NRXN3: variants seen among roughly 807,000 people sequenced by gnomAD.
The protein encoded by NRXN3 is neurexin 3, also known as neurexin III.
A neutral mutation model predicts 137.6 loss-of-function variants in NRXN3; 32 were observed. The observed-to-expected ratio is 0.23, with a 90% CI of 0.18 to 0.31. The LOEUF is 0.31. Ranked by LOEUF, NRXN3 falls within the 10% of genes least tolerant of loss-of-function variation. The probability of loss-of-function intolerance (pLI) is 1.00; values close to 1 mark genes in which losing one functional copy is unlikely to be tolerated. For missense variants in NRXN3, 1,574 were observed against 2,062.5 expected, an observed-to-expected ratio of 0.76 and a Z score of 4.59; for synonymous variants, 798 against 784.5, an observed-to-expected ratio of 1.02 and a Z score of -0.29.
rs527471063 is a variant in NRXN3, at chr14:78,839,387, A to G, written c.2275+29043A>G. On this transcript the variant is annotated intron_variant, in intron 10 of 20. Transcript: ENST00000335750. ...ATAATGGAGGACACAGTCAGTCGTGATAAGGATTTTGCTTTTTTATCTTAA... is the reference window on the plus strand; with the variant it reads ...ATAATGGAGGACACAGTCAGTCGTGGTAAGGATTTTGCTTTTTTATCTTAA... Among the ~76,000 whole-genome samples the G allele has an allele frequency of 2.0e-4, 30 of 152,322 alleles. 1 individual carries two copies. The highest frequency in any genetic ancestry group is 1.8e-3 in the Admixed American group (27 of 15,300).
At chr14:78,762,603 T>C (rs58784665) in intron 8 of NRXN3, among the ~76,000 whole-genome samples, 154 of 152,308 alleles carry the variant, frequency 1.0e-3, no homozygotes, top group African/African-American at 3.3e-3. Context: ...GTCTCCATCA[T>C]GAATACATAC....
chr14:78,923,934 A>AT (rs1217436935), intron 10 of NRXN3, among the ~76,000 whole-genome samples: 1 of 152,160 alleles, frequency 6.6e-6, no homozygotes, highest in Non-Finnish European at 1.5e-5. Flanking sequence ...ATTCTAAGGT[A>AT]TTTTTTGAGA....
At chr14:79,337,455 G>A (rs185330905) in intron 15 of NRXN3, among the ~76,000 whole-genome samples, 2 of 152,272 alleles carry the variant, frequency 1.3e-5, no homozygotes, top group East Asian at 3.9e-4. Flanking sequence ...TATATCTAAT[G>A]ATGACTTCAG....
At chr14:79,042,498 A>G (rs912397918) in intron 15 of NRXN3, among the ~76,000 whole-genome samples, 3 of 152,126 alleles carry the variant, frequency 2.0e-5, no homozygotes, top group East Asian at 3.9e-4. Context: ...TTTGAATTCC[A>G]TTTTGTCTGA....
intron 10 of NRXN3, among the ~76,000 whole-genome samples, chr14:78,925,098 G>A (rs2099282879): frequency 1.3e-5 from 2 of 152,172 alleles, no homozygotes; most frequent in East Asian, 1.9e-4. Flanking sequence ...TGACTCATTT[G>A]AGCGTTCTGA....
chr14:78,967,579 T>A (rs1035833355), intron 13 of NRXN3, among the ~76,000 whole-genome samples, 181 bp downstream of exon 13: 4 of 152,118 alleles, frequency 2.6e-5, no homozygotes, highest in Non-Finnish European at 4.4e-5. Flanking sequence ...AGACTACTCA[T>A]CAAGAAATGG....
In NRXN3 at chr14:79,585,105, C is replaced by G. The variant is rs149117123; in HGVS notation, c.3445-78673C>G. Among the ~76,000 whole-genome samples the G allele has an allele frequency of 2.3e-3, 355 of 152,256 alleles. 2 individuals carry two copies. Among genetic ancestry groups the G allele is most frequent in the African/African-American group, 8.1e-3 (337 of 41,536 alleles). ...CGTTCAAGTTTTAATAAATGTGTTGCATTTGTCATCTTAGTATGGCATGAC... is the reference window on the plus strand; with the variant it reads ...CGTTCAAGTTTTAATAAATGTGTTGGATTTGTCATCTTAGTATGGCATGAC... On this transcript the variant is annotated intron_variant, in intron 16 of 20. Coordinates refer to ENST00000335750, the MANE Select transcript of NRXN3 (RefSeq NM_001330195.2).
At chr14:79,145,181 C>A (rs1235030702) in intron 15 of NRXN3, among the ~76,000 whole-genome samples, 2 of 152,122 alleles carry the variant, frequency 1.3e-5, no homozygotes, top group African/African-American at 4.8e-5. Flanking sequence ...CATAAGGCAA[C>A]CATGTGCCTT....
At chr14:79,743,605 C>T (rs2098969978) in intron 19 of NRXN3, among the ~76,000 whole-genome samples, 1 of 152,084 alleles carries the variant, frequency 6.6e-6, no homozygotes, top group African/African-American at 2.4e-5. Context: ...AATAGGTGGT[C>T]GACATGCCAT....
intron 15 of NRXN3, among the ~76,000 whole-genome samples, chr14:79,235,549 C>T (rs2073213064): frequency 1.3e-5 from 2 of 152,146 alleles, no homozygotes; most frequent in South Asian, 4.1e-4. Flanking sequence ...TTAATTCTGT[C>T]AGTCTTGCAT....
In NRXN3 at chr14:78,907,670, T is replaced by C. The variant is rs545430702; in HGVS notation, c.2276-49572T>C. ...TTTTTAACTTTTAAGTCCAGGGGCA[T>C]AAGTGTAAGTTTGTTATGTAGGTAA... On this transcript the variant is annotated intron_variant, in intron 10 of 20. Transcript: ENST00000335750. Among the ~76,000 whole-genome samples the C allele has an allele frequency of 4.6e-5, 7 of 152,144 alleles. No individual in the cohort carries two copies. The South Asian group carries it at 1.5e-3, about 32-fold the overall frequency.
rs1411275465 is a variant in NRXN3, at chr14:78,278,647, G to A, written c.712G>A (p.Val238Ile). 2 of 1,535,056 alleles carry A rather than the reference G, an allele frequency of 1.3e-6. No individual in the cohort carries two copies. The highest frequency in any genetic ancestry group is 1.4e-5 in the African/African-American group (1 of 73,006). ...GYGGKLCSED[V>I]SQDPGLSHLM... ...TCCCTTTGAAAATGCTGCCACAGAT[G>A]TCAGTCAAGATCCAGGTGAGTCTTT... The change falls in exon 3 of 21, where the codon GTC (valine) becomes ATC (isoleucine). Residue 238 changes from valine (V) to isoleucine (I), a missense_variant and splice_region_variant. Coordinates refer to ENST00000335750, the MANE Select transcript of NRXN3 (RefSeq NM_001330195.2).
intron 16 of NRXN3, among the ~76,000 whole-genome samples, chr14:79,582,262 T>C (rs116352887): frequency 1.1e-4 from 17 of 152,176 alleles, no homozygotes; most frequent in Admixed American, 3.3e-4. Flanking sequence ...TATAATATTA[T>C]CCATAGTTTC....
intron 15 of NRXN3, among the ~76,000 whole-genome samples, chr14:79,396,088 A>G (rs1343533184): frequency 2.0e-5 from 3 of 152,130 alleles, no homozygotes; most frequent in Non-Finnish European, 1.5e-5. Context: ...GGCATGTTTT[A>G]TGCAAATTGA....
At chr14:78,711,216 A>T (rs1351546547) in intron 7 of NRXN3, among the ~76,000 whole-genome samples, 2 of 127,754 alleles carry the variant, frequency 1.6e-5, no homozygotes, top group Admixed American at 1.5e-4. Flanking sequence ...CATAAAAGTT[A>T]CCTTACCCGT....
At chr14:78,764,868 T>C (rs2098703772) in intron 8 of NRXN3, among the ~76,000 whole-genome samples, 1 of 152,186 alleles carries the variant, frequency 6.6e-6, no homozygotes, top group Non-Finnish European at 1.5e-5. Flanking sequence ...TCTATTTGGC[T>C]AAGAGACAAA....
chr14:79,718,717 C>A (rs2098831973), intron 19 of NRXN3, among the ~76,000 whole-genome samples: 1 of 152,160 alleles, frequency 6.6e-6, no homozygotes, highest in Non-Finnish European at 1.5e-5. Context: ...GCTGATTAAC[C>A]ATAATTTCCA....
chr14:79,024,809 C>G (rs546128822), intron 15 of NRXN3, among the ~76,000 whole-genome samples: 1 of 152,256 alleles, frequency 6.6e-6, no homozygotes, highest in Non-Finnish European at 1.5e-5. Context: ...CTCCTACACA[C>G]AAGGTACCTC....
chr14:79,415,742 C>A (rs2095487995), intron 15 of NRXN3, among the ~76,000 whole-genome samples: 2 of 152,042 alleles, frequency 1.3e-5, no homozygotes, highest in Non-Finnish European at 2.9e-5. Context: ...TAGCATTGAG[C>A]CTATGTCTTA....
Sources: gnomAD v4.1 joint callset for allele counts (sites outside exome capture counted in the v4.1 genomes callset) on GRCh38, gnomAD v4.1.1 for gene constraint, MANE v1.5 for transcripts, NCBI Gene and HGNC (gene_info 2026-07-23, HGNC 2026-07-21) for gene names.